The following NEGR1 variants were observed in gnomAD, a reference collection of about 807,000 sequenced individuals.
NEGR1 encodes the protein IgLON family member 4.
A neutral mutation model predicts 40.9 loss-of-function variants in NEGR1; 10 were observed. The ratio of observed to expected loss-of-function variants is 0.24; its 90% CI spans 0.15 to 0.42. NEGR1 has a LOEUF of 0.42. NEGR1 is among the 10% of genes least tolerant of loss of function. NEGR1 has a pLI of 1.00. For missense variants in NEGR1, 352 were observed against 438.9 expected (o/e 0.80, Z 1.77); for synonymous variants, 185 against 166.8 (o/e 1.11, Z -0.84).
rs1161176074 is a variant in NEGR1 at position 71,398,205 on chromosome 1, A to T, written c.*9241T>A. On this transcript the variant is annotated 3_prime_UTR_variant, in exon 7 of 7. Transcript: ENST00000357731. ...CCCCACACAGAGTCCCTACTGGGACACCACGTAGTGGAGCTGTGAGAAGTG... is the reference window on the plus strand; with the variant it reads ...CCCCACACAGAGTCCCTACTGGGACTCCACGTAGTGGAGCTGTGAGAAGTG... 1 of 152,322 alleles carries T rather than the reference A, an allele frequency of 6.6e-6. No individual in the cohort carries two copies. The allele number at this position is 152,322 out of a possible 1,614,324, so 9.4% of individuals were successfully genotyped here. A position where few individuals can be genotyped will look rare whatever the true frequency, so the allele number is the denominator to read the frequency against.
chr1:71,598,508 C>T (rs775084879), intron 5 of NEGR1, among the ~76,000 whole-genome samples: 9 of 152,200 alleles, frequency 5.9e-5, no homozygotes, highest in Non-Finnish European at 1.3e-4. Flanking sequence ...TTCACATAGT[C>T]AGCCTTCCAG....
intron 6 of NEGR1, among the ~76,000 whole-genome samples, chr1:71,545,875 T>C (rs1647879465): frequency 6.6e-6 from 1 of 151,690 alleles, no homozygotes; most frequent in Non-Finnish European, 1.5e-5. Context: ...TAATTAGCTG[T>C]GTAATTTTGG....
At chr1:71,962,067 A>G (rs1646169931) in intron 1 of NEGR1, among the ~76,000 whole-genome samples, 1 of 152,102 alleles carries the variant, frequency 6.6e-6, no homozygotes, top group Non-Finnish European at 1.5e-5. Context: ...GTTGGCAAGT[A>G]TAAAGTAATG....
At chr1:71,408,235 G>A (rs148922313) in intron 6 of NEGR1, among the ~76,000 whole-genome samples, 53 of 152,090 alleles carry the variant, frequency 3.5e-4, no homozygotes, top group African/African-American at 9.9e-4. Context: ...AAGGTGTGTC[G>A]TATAGAATAT....
intron 6 of NEGR1, among the ~76,000 whole-genome samples, chr1:71,554,869 G>A (rs72940340): frequency 0.046 from 6,978 of 151,482 alleles, 540 homozygotes; most frequent in African/African-American, 0.16. Flanking sequence ...TAAAGGGGAC[G>A]CTTTAGAGCA....
At chr1:71,422,537 C>T (rs948657007) in intron 6 of NEGR1, 6 of 152,100 alleles carry the variant, frequency 3.9e-5, no homozygotes, top group East Asian at 1.9e-4. Flanking sequence ...ATCTCATAGT[C>T]GAAAGCTAAA....
chr1:71,634,917 G>A (rs555142345), intron 4 of NEGR1, among the ~76,000 whole-genome samples: 4 of 152,170 alleles, frequency 2.6e-5, no homozygotes, highest in African/African-American at 9.6e-5. Flanking sequence ...AGACTCACAG[G>A]TTTAAGAGGC....
intron 2 of NEGR1, among the ~76,000 whole-genome samples, chr1:71,813,537 T>G (rs903232317): frequency 3.3e-5 from 5 of 152,204 alleles, no homozygotes; most frequent in African/African-American, 9.6e-5. Flanking sequence ...ATGGCCATTT[T>G]CATGATATTG....
chr1:71,506,277 T>C (rs1647034320), intron 6 of NEGR1, among the ~76,000 whole-genome samples: 1 of 151,992 alleles, frequency 6.6e-6, no homozygotes, highest in East Asian at 1.9e-4. Flanking sequence ...CCCTCTCATC[T>C]TTAGAAAAAA....
chr1:71,462,915 C>T (rs1263268825), intron 6 of NEGR1, among the ~76,000 whole-genome samples: 1 of 152,078 alleles, frequency 6.6e-6, no homozygotes, highest in Non-Finnish European at 1.5e-5. Flanking sequence ...ACAAGAAAAT[C>T]AGAGGGGAAA....
rs1570339678 is a variant in NEGR1 at position 71,781,949 on chromosome 1, G to C, written c.410-5652C>G. On this transcript the variant is annotated intron_variant, in intron 2 of 6. Coordinates refer to ENST00000357731, the MANE Select transcript of NEGR1 (RefSeq NM_173808.3). The stretch of plus-strand genomic sequence containing the variant: ...TCATACCTCAAAAATTTACCACAAA[G>C]AAGAAACAGCGAAATGTACATTAGT... Among the ~76,000 whole-genome samples, 10 of 152,184 alleles carry C rather than the reference G, an allele frequency of 6.6e-5. No homozygotes were observed. In the South Asian group the frequency reaches 2.1e-3, roughly 32 times the overall value.
chr1:71,976,330 A>C (rs929820742), intron 1 of NEGR1, among the ~76,000 whole-genome samples: 4 of 152,216 alleles, frequency 2.6e-5, no homozygotes, highest in African/African-American at 4.8e-5. Context: ...CTTATGCAAT[A>C]TGTACGTGAA....
chr1:72,127,707 T>A (rs1650084560), intron 1 of NEGR1, among the ~76,000 whole-genome samples: 1 of 152,112 alleles, frequency 6.6e-6, no homozygotes, highest in African/African-American at 2.4e-5. Context: ...CTTCAGCGCA[T>A]CTACATCTTT....
At chr1:71,655,783 G>A (rs144068087) in intron 4 of NEGR1, among the ~76,000 whole-genome samples, 1 of 152,134 alleles carries the variant, frequency 6.6e-6, no homozygotes, top group Non-Finnish European at 1.5e-5. Flanking sequence ...TTATGCAAAT[G>A]ATTGTCTCAT....
chr1:72,141,457 T>C (rs1180840686), intron 1 of NEGR1, among the ~76,000 whole-genome samples: 4 of 152,054 alleles, frequency 2.6e-5, no homozygotes, highest in African/African-American at 7.2e-5. Context: ...ATAGTGTATA[T>C]TATCCTGAAC....
chr1:71,940,501 A>T (rs1254064535), intron 1 of NEGR1, among the ~76,000 whole-genome samples: 2 of 152,204 alleles, frequency 1.3e-5, no homozygotes, highest in African/African-American at 4.8e-5. Context: ...ATACATAGGA[A>T]ATAGCTTGAA....
At chr1:71,527,133 C>A (rs1647226358) in intron 6 of NEGR1, among the ~76,000 whole-genome samples, 1 of 151,504 alleles carries the variant, frequency 6.6e-6, no homozygotes, top group South Asian at 2.1e-4. Flanking sequence ...TTACATAAAT[C>A]TGTTTTGTTT....
intron 1 of NEGR1, among the ~76,000 whole-genome samples, chr1:72,075,676 T>C (rs750966101): frequency 6.6e-6 from 1 of 152,202 alleles, no homozygotes; most frequent in Non-Finnish European, 1.5e-5. Flanking sequence ...AAGTTATGCC[T>C]GCTGCTATGA....
intron 1 of NEGR1, among the ~76,000 whole-genome samples, chr1:72,217,921 G>A (rs1653878228): frequency 6.6e-6 from 1 of 151,578 alleles, no homozygotes; most frequent in Admixed American, 6.6e-5. Context: ...TAAGAAAGAT[G>A]GTATTATAAT....
Sources: allele counts gnomAD v4.1 joint callset (sites outside exome capture counted in the v4.1 genomes callset), GRCh38; gene constraint gnomAD v4.1.1; transcripts MANE v1.5; gene names NCBI Gene and HGNC (gene_info 2026-07-23, HGNC 2026-07-21).